Variants in ODF2 observed in about 807,000 individuals in gnomAD.
The protein encoded by ODF2 is outer dense fiber of sperm tails 2, also known as outer dense fiber protein 2.
A neutral mutation model predicts 110.2 loss-of-function variants in ODF2; 47 were observed. That is an observed-to-expected ratio of 0.43 (90% confidence interval 0.34 to 0.54). The LOEUF (loss-of-function observed/expected upper bound fraction) is 0.54. ODF2 is among the 20% of genes least tolerant of loss of function. The pLI, the probability that ODF2 is intolerant of heterozygous loss-of-function variation, is 0.03. For missense variants in ODF2, 812 were observed against 1,054.5 expected (o/e 0.77, Z 3.19); for synonymous variants, 352 against 397.7 (o/e 0.89, Z 1.37).
intron 2 of ODF2, among the ~76,000 whole-genome samples, chr9:128,459,122 G>A (rs954985227): frequency 1.3e-5 from 2 of 152,192 alleles, no homozygotes; most frequent in African/African-American, 4.8e-5. Context: ...TGGGATTACA[G>A]GCATGAGACA....
In ODF2 at chr9:128,485,108, G is replaced by C. The variant is rs538145250; in HGVS notation, c.1290+222G>C. On this transcript the variant is annotated intron_variant, in intron 12 of 20. Transcript: ENST00000604420. The surrounding 1 kb of genome is among the most constrained non-coding windows in gnomAD (Gnocchi z 5.0). ...GGAGATGATTGGAGGCTTTGTAGGA[G>C]AGTTCAGCCACATCAGCTTTGTGGG... is the stretch of plus-strand genomic sequence containing the variant. Among the ~76,000 whole-genome samples the C allele has an allele frequency of 6.6e-6, 1 of 152,298 alleles. No homozygotes were observed. The highest frequency in any genetic ancestry group is 1.5e-5 in the Non-Finnish European group (1 of 68,006).
chr9:128,457,009 G>C, intron 1 of ODF2: 1 of 1,256,504 alleles, frequency 8.0e-7, no homozygotes, highest in Admixed American at 3.4e-5. Context: ...ACTTGGGGCC[G>C]AGCGGTTCTC....
chr9:128,473,123 G>A (rs1018910217), intron 7 of ODF2, 81 bp downstream of exon 7: 57 of 1,588,480 alleles, frequency 3.6e-5, no homozygotes, highest in Admixed American at 3.0e-4. Flanking sequence ...GTCTTTACGC[G>A]TCATCAGGCA....
intron 7 of ODF2, 69 bp from the exon 8 acceptor site, chr9:128,473,541 T>A: frequency 6.3e-7 from 1 of 1,591,666 alleles, no homozygotes; most frequent in Admixed American, 1.7e-5. Context: ...CCAGACCTCT[T>A]GAGTGCCCAT....
intron 10 of ODF2, among the ~76,000 whole-genome samples, chr9:128,483,354 A>G (rs1399418913): frequency 6.6e-6 from 1 of 151,672 alleles, no homozygotes; most frequent in Non-Finnish European, 1.5e-5. Flanking sequence ...AGGAGGACTC[A>G]TTGAGGCCAG....
intron 9 of ODF2, 127 bp downstream of exon 9, chr9:128,481,778 G>T (rs1402910960): frequency 1.5e-6 from 1 of 657,170 alleles, no homozygotes; most frequent in Non-Finnish European, 2.6e-6. Flanking sequence ...TTAGTTTCAC[G>T]ATCTGTAAAA....
intron 4 of ODF2, among the ~76,000 whole-genome samples, chr9:128,462,450 G>A (rs917708823): frequency 7.3e-5 from 11 of 151,270 alleles, no homozygotes; most frequent in African/African-American, 7.3e-5. Context: ...CACCCGGCCC[G>A]AATCTTTTAA....
intron 1 of ODF2, chr9:128,456,628 GC>G (rs1448783043): frequency 2.7e-6 from 4 of 1,500,954 alleles, no homozygotes; most frequent in South Asian, 1.2e-5. Flanking sequence ...TCGCTCTGCT[GC>G]CCGTCGGCGG....
chr9:128,490,799 T>C (rs1402276541), intron 14 of ODF2, among the ~76,000 whole-genome samples: 1 of 152,198 alleles, frequency 6.6e-6, no homozygotes, highest in Non-Finnish European at 1.5e-5. Context: ...CGGACATCTG[T>C]TAAGGTTGGT....
intron 10 of ODF2, 69 bp downstream of exon 10, chr9:128,482,956 C>T (rs1037080131): frequency 4.1e-5 from 51 of 1,246,232 alleles, no homozygotes; most frequent in African/African-American, 2.5e-4. Context: ...AGTGCAATGG[C>T]GCGATCTCAG....
chr9:128,459,751 A>G, intron 3 of ODF2, 94 bp downstream of exon 2: 1 of 863,438 alleles, frequency 1.2e-6, no homozygotes, highest in Admixed American at 2.1e-5. Context: ...CCTGCTGGGC[A>G]CCATCGCCGC....
intron 5 of ODF2, among the ~76,000 whole-genome samples, 187 bp from the exon 6 acceptor site, chr9:128,471,121 T>G (rs1042218266): frequency 2.0e-5 from 3 of 152,058 alleles, no homozygotes; most frequent in Non-Finnish European, 4.4e-5. Context: ...ACCATGTTGG[T>G]CAGGCTGGTC....
chr9:128,468,403 CA>C (rs1263165281), intron 4 of ODF2, among the ~76,000 whole-genome samples: 1 of 152,166 alleles, frequency 6.6e-6, no homozygotes, highest in African/African-American at 2.4e-5. Context: ...TTCGCTCTGT[CA>C]CCCAGGCTGG....
At chr9:128,471,384 C>T (rs776202230) in exon 6 of ODF2, 35 of 1,612,988 alleles carry the variant, frequency 2.2e-5, no homozygotes, top group Non-Finnish European at 2.7e-5. Context: ...GAGGAGGTGG[C>T]CCACGAACTG....
rs1217225397 is a variant in ODF2 at position 128,496,869 on chromosome 9, A to G, written c.2012+728A>G. On this transcript the variant is annotated intron_variant, in intron 18 of 20. Transcript: ENST00000604420. ...CAGCCTCCCAAGTAGCTGGGACTAC[A>G]GGCGTATGCCACCATGCCTGGCTAA... Among the ~76,000 whole-genome samples, 18 of 152,160 alleles carry G rather than the reference A, an allele frequency of 1.2e-4. 1 individual carries two copies. Among genetic ancestry groups the G allele is most frequent in the Admixed American group, 1.2e-3 (18 of 15,268 alleles).
At chr9:128,475,656 T>TC (rs1841105844) in intron 8 of ODF2, among the ~76,000 whole-genome samples, 1 of 152,054 alleles carries the variant, frequency 6.6e-6, no homozygotes, top group Non-Finnish European at 1.5e-5. Context: ...CTTTTTTTTT[T>TC]CTTTTTTGAG....
chr9:128,466,241 G>A (rs181132300), intron 4 of ODF2, among the ~76,000 whole-genome samples: 59 of 152,134 alleles, frequency 3.9e-4, no homozygotes, highest in Non-Finnish European at 6.5e-4. Context: ...TAAGGCAGGC[G>A]GTTCACCTGA....
Position 128,460,683 on chromosome 9 carries a change from G to C in ODF2, c.124-259G>C. On this transcript the variant is annotated intron_variant, in intron 3 of 20. Transcript: ENST00000604420. ...AGCAGCCAGGTAGGAGCATGCCAGT[G>C]GGGCGAGGTAGTAGCTGTGGATCTG... 1 of 1,613,734 alleles carries C rather than the reference G, an allele frequency of 6.2e-7. No homozygotes were observed. Among genetic ancestry groups the C allele is most frequent in the Non-Finnish European group, 8.5e-7 (1 of 1,179,860 alleles).
At chr9:128,500,510 C>T (rs1255655688), downstream of ODF2, 2 of 453,120 alleles carry the variant, frequency 4.4e-6, no homozygotes, top group African/African-American at 3.9e-5. Context: ...TTTACTACTA[C>T]ATTAGGGTAC....
Sources: gnomAD v4.1 joint callset for allele counts (sites outside exome capture counted in the v4.1 genomes callset) on GRCh38, gnomAD v4.1.1 for gene constraint, Gnocchi (gnomAD v3.1) non-coding constraint, MANE v1.5 for transcripts, NCBI Gene and HGNC (gene_info 2026-07-23, HGNC 2026-07-21) for gene names.